The following OSBPL1A variants were observed in gnomAD, a reference collection of about 807,000 sequenced individuals.
OSBPL1A encodes the protein oxysterol binding protein like 1A.
Under a neutral mutation model 137.1 loss-of-function variants are expected in OSBPL1A, and 80 were observed. That is an observed-to-expected ratio of 0.58 (90% confidence interval 0.49 to 0.70). The LOEUF (loss-of-function observed/expected upper bound fraction) is 0.70, where lower values mean the gene tolerates loss of function less well. OSBPL1A is among the 30% of genes least tolerant of loss of function. The pLI is 0.00. For synonymous variants in OSBPL1A, 365 were observed against 389.7 expected, an observed-to-expected ratio of 0.94 and a Z score of 0.75; for missense variants, 970 against 1,129.4, an observed-to-expected ratio of 0.86 and a Z score of 2.02.
chr18:24,355,712 C>T (rs1333499811), intron 4 of OSBPL1A, among the ~76,000 whole-genome samples: 2 of 151,746 alleles, frequency 1.3e-5, no homozygotes, highest in Non-Finnish European at 2.9e-5. Flanking sequence ...CGGCTGAGCG[C>T]AGTGGCTCAC....
chr18:24,376,927 G>C (rs911000211), intron 2 of OSBPL1A, among the ~76,000 whole-genome samples: 1 of 152,230 alleles, frequency 6.6e-6, no homozygotes, highest in African/African-American at 2.4e-5. Context: ...CAGCCGGCCC[G>C]CAAACGCCGC....
At chr18:24,295,256 G>A (rs1463908291) in intron 14 of OSBPL1A, among the ~76,000 whole-genome samples, 2 of 152,068 alleles carry the variant, frequency 1.3e-5, no homozygotes, top group Non-Finnish European at 2.9e-5. Context: ...ACTTTTTGAT[G>A]GGATTATTTG....
rs190040032 is a variant in OSBPL1A at position 24,250,601 on chromosome 18, A to C, written c.1282-11219T>G. ...AGCCTTTGGGCCCTGAATAACCAGC[A>C]GTGATACCAGGTACTACACTGAGGG... On this transcript the variant is annotated intron_variant, in intron 15 of 27. Coordinates refer to ENST00000319481, the MANE Select transcript of OSBPL1A (RefSeq NM_080597.4). Among the ~76,000 whole-genome samples, 17 of 152,354 alleles carry C rather than the reference A, an allele frequency of 1.1e-4. 1 individual carries two copies. The East Asian group carries it at 3.3e-3, about 29-fold the overall frequency.
Position 24,360,028 on chromosome 18 carries a change from C to T in OSBPL1A, c.282+6864G>A, listed in dbSNP as rs553282221. On this transcript the variant is annotated intron_variant, in intron 4 of 27. Transcript: ENST00000319481. ...GGTCACCCAGGCTGGAGTGCGATGGCGCGATCTCGGCTCACTGCAACCTCC... is the reference window on the plus strand; with the variant it reads ...GGTCACCCAGGCTGGAGTGCGATGGTGCGATCTCGGCTCACTGCAACCTCC... Among the ~76,000 whole-genome samples, 9 of 152,258 alleles carry T rather than the reference C, an allele frequency of 5.9e-5. No homozygotes were observed. In the South Asian group the frequency reaches 1.0e-3, roughly 18 times the overall value.
At chr18:24,253,380 G>A (rs894978872) in intron 15 of OSBPL1A, among the ~76,000 whole-genome samples, 1 of 152,076 alleles carries the variant, frequency 6.6e-6, no homozygotes, top group Non-Finnish European at 1.5e-5. Context: ...GACAAAGAAG[G>A]TCATTATATA....
rs578141020 is a variant in OSBPL1A, at chr18:24,363,344, C to A, written c.282+3548G>T. Reference sequence around the variant, plus strand: ...ACTGTCCACCTTCCTTGGCTCACAGCCCCCTTTCCTGCAGTTTCTAAGGCA... The same window carrying A: ...ACTGTCCACCTTCCTTGGCTCACAGACCCCTTTCCTGCAGTTTCTAAGGCA... On this transcript the variant is annotated intron_variant, in intron 4 of 27. Transcript: ENST00000319481. 3.3e-5 allele frequency among the ~76,000 whole-genome samples: 5 copies of A among 152,256 alleles called. No homozygotes were observed. The South Asian group carries it at 1.0e-3, about 32-fold the overall frequency.
intron 4 of OSBPL1A, among the ~76,000 whole-genome samples, chr18:24,346,838 C>G (rs992411734): frequency 1.3e-5 from 2 of 151,670 alleles, no homozygotes; most frequent in African/African-American, 4.8e-5. Context: ...GCTCCTGGCT[C>G]AAGAGATCTT....
At chr18:24,349,526 T>C (rs868276628) in intron 4 of OSBPL1A, among the ~76,000 whole-genome samples, 6 of 152,092 alleles carry the variant, frequency 3.9e-5, no homozygotes, top group Admixed American at 2.0e-4. Flanking sequence ...GACATCTCCC[T>C]GGTTAGGTTT....
Position 24,220,938 on chromosome 18 carries a change from G to A in OSBPL1A, c.1601+4104C>T, listed in dbSNP as rs554437360. Among the ~76,000 whole-genome samples the A allele has an allele frequency of 1.5e-4, 23 of 151,946 alleles. No individual in the cohort carries two copies. In the South Asian group the frequency reaches 4.2e-3, roughly 28 times the overall value. Reference sequence around the variant, plus strand: ...TGGGACTACAGGCGTGTGCCACCACGCTCAGCTAATTTTTGTGTTTGTAGT... The same window carrying A: ...TGGGACTACAGGCGTGTGCCACCACACTCAGCTAATTTTTGTGTTTGTAGT... On this transcript the variant is annotated intron_variant, in intron 17 of 27. Coordinates refer to ENST00000319481, the MANE Select transcript of OSBPL1A (RefSeq NM_080597.4).
intron 16 of OSBPL1A, among the ~76,000 whole-genome samples, chr18:24,225,889 T>G (rs1211147895): frequency 6.6e-6 from 1 of 152,098 alleles, no homozygotes; most frequent in Non-Finnish European, 1.5e-5. Flanking sequence ...GGAAGATCAC[T>G]TGAGGACAGG....
chr18:24,174,665 T>C (rs914795000), intron 21 of OSBPL1A, among the ~76,000 whole-genome samples: 4 of 152,214 alleles, frequency 2.6e-5, no homozygotes, highest in African/African-American at 9.6e-5. Context: ...ATTTTAGACA[T>C]TGTAATAGGT....
Position 24,179,816 on chromosome 18 carries a change from A to C in OSBPL1A, c.1832T>G (p.Val611Gly). Residue 611 changes from valine (V) to glycine (G), a missense_variant, in exon 20 of 28, where the codon GTA becomes GGA. Val to Gly is a moderately radical substitution (Grantham distance 109). Around this residue, in one of 2 missense-constraint regions of OSBPL1A, gnomAD observed 323 missense variants for 456.8 expected, o/e 0.71. Coordinates refer to ENST00000319481, the MANE Select transcript of OSBPL1A (RefSeq NM_080597.4). The stretch of plus-strand genomic sequence containing the variant: ...TTCCCACTGAGAAGCAACAGCAGAT[A>C]CAGCAAACGCAGCTACACACTGTGG... ...ERMQCVAAFA[V>G]SAVASQWERT... 6.2e-7 allele frequency: 1 copy of C among 1,614,222 alleles called. No individual in the cohort carries two copies. Among genetic ancestry groups the C allele is most frequent in the Non-Finnish European group, 8.5e-7 (1 of 1,180,026 alleles).
chr18:24,350,443 C>G (rs1375091891), intron 4 of OSBPL1A, among the ~76,000 whole-genome samples: 1 of 152,022 alleles, frequency 6.6e-6, no homozygotes. Context: ...ATTAGGTTAT[C>G]TGTCATTCTT....
chr18:24,329,986 G>A (rs925760311), intron 7 of OSBPL1A, among the ~76,000 whole-genome samples: 4 of 152,148 alleles, frequency 2.6e-5, no homozygotes, highest in Non-Finnish European at 4.4e-5. Flanking sequence ...CCTCAAAGCT[G>A]ATTGGTTATG....
At chr18:24,193,093 A>G (rs1364327946) in intron 18 of OSBPL1A, among the ~76,000 whole-genome samples, 1 of 152,222 alleles carries the variant, frequency 6.6e-6, no homozygotes, top group African/African-American at 2.4e-5. Context: ...AGGTAAGGGA[A>G]GAGAGATGAT....
At chr18:24,170,557 G>A (rs2086252778) in intron 23 of OSBPL1A, 104 bp from the exon 24 acceptor site, 3 of 1,285,220 alleles carry the variant, frequency 2.3e-6, no homozygotes, top group Non-Finnish European at 3.3e-6. Flanking sequence ...TACTAACCAG[G>A]CCTGACCCTG....
intron 11 of OSBPL1A, among the ~76,000 whole-genome samples, chr18:24,315,408 C>T (rs2090700571): frequency 6.6e-6 from 1 of 151,784 alleles, no homozygotes; most frequent in Non-Finnish European, 1.5e-5. Context: ...ATAAACACAA[C>T]CTATCTGAAC....
intron 17 of OSBPL1A, among the ~76,000 whole-genome samples, chr18:24,212,791 T>C (rs757063882): frequency 1.3e-5 from 2 of 152,204 alleles, no homozygotes; most frequent in Non-Finnish European, 2.9e-5. Flanking sequence ...AAGTTATATA[T>C]GAAATACTTG....
chr18:24,286,277 C>A (rs1453274827), intron 14 of OSBPL1A, among the ~76,000 whole-genome samples: 3 of 152,114 alleles, frequency 2.0e-5, no homozygotes, highest in African/African-American at 7.2e-5. Flanking sequence ...AATCAACTAA[C>A]CTTCTAAAAA....
Sources: allele counts gnomAD v4.1 joint callset (sites outside exome capture counted in the v4.1 genomes callset), GRCh38; gene constraint gnomAD v4.1.1; regional missense constraint gnomAD v4.1.1; transcripts MANE v1.5; gene names NCBI Gene and HGNC (gene_info 2026-07-23, HGNC 2026-07-21).